The following TGFB3 variants were observed in gnomAD, a reference collection of about 807,000 sequenced individuals.
TGFB3 encodes transforming growth factor beta 3, also known as transforming growth factor beta-3 proprotein.
A neutral mutation model predicts 40.1 loss-of-function variants in TGFB3; 5 were observed. The observed-to-expected ratio is 0.12, with a 90% CI of 0.07 to 0.26. TGFB3 has a LOEUF of 0.26. TGFB3 is among the 10% of genes least tolerant of loss of function. The pLI, the probability that TGFB3 is intolerant of heterozygous loss-of-function variation, is 1.00. For synonymous variants in TGFB3, 184 were observed against 205.6 expected (o/e 0.89, Z 0.90); for missense variants, 373 against 530.1 (o/e 0.70, Z 2.91).
At position 75,971,788 on chromosome 14, in the gene TGFB3, C is replaced by T. The variant is rs2140246086; in HGVS notation, c.353-70G>A. 2 of 1,581,824 alleles carry T rather than the reference C, an allele frequency of 1.3e-6. No individual in the cohort carries two copies. The highest frequency in any genetic ancestry group is 1.7e-6 in the Non-Finnish European group (2 of 1,157,324). On this transcript the variant is annotated intron_variant, in intron 1 of 6. Transcript: ENST00000238682. The surrounding 1 kb of genome is among the most constrained non-coding windows in gnomAD (Gnocchi z 4.5). ...GCAGGAACAGTGTGCTGCCAACGGA[C>T]AGGCACCAAGTGGCCACCGTCCCGC...
In TGFB3 at chr14:75,980,462, CA is replaced by C; in HGVS notation, c.352+79del. 7.0e-7 allele frequency: 1 copy of C among 1,429,190 alleles called. No individual in the cohort carries two copies. Among genetic ancestry groups the C allele is most frequent in the Non-Finnish European group, 9.9e-7 (1 of 1,013,408 alleles). 88.5% of individuals were successfully genotyped at this position (1,429,190 alleles called of 1,614,324 possible). A position where few individuals can be genotyped will look rare whatever the true frequency, so the allele number is the denominator to read the frequency against. ...CTGGGGCACCCTGCTGTGTGGCCAG[CA>C]CTAGGCCCCCCTCTGCAGAGCTCCC... On this transcript the variant is annotated intron_variant, in intron 1 of 6. Transcript: ENST00000238682. This position sits in a 1 kb window ranked among gnomAD's most constrained non-coding sequence, Gnocchi z 4.3.
At position 75,979,476 on chromosome 14, in the gene TGFB3, G is replaced by T. The variant is rs2035395526; in HGVS notation, c.352+1066C>A. ...GGAAAAGCAAACAGAGCTGCTCCCG[G>T]AGTCTACGGCCCACGAGTGGCTCAC... On this transcript the variant is annotated intron_variant, in intron 1 of 6. Coordinates refer to ENST00000238682, the MANE Select transcript of TGFB3 (RefSeq NM_003239.5). This position sits in a 1 kb window ranked among gnomAD's most constrained non-coding sequence, Gnocchi z 4.8. Among the ~76,000 whole-genome samples the T allele has an allele frequency of 6.6e-6, 1 of 152,168 alleles. No individual in the cohort carries two copies. The highest frequency in any genetic ancestry group is 2.4e-5 in the African/African-American group (1 of 41,440).
At chr14:75,960,565 A>G (rs1566678374) in intron 6 of TGFB3, among the ~76,000 whole-genome samples, 3 of 152,182 alleles carry the variant, frequency 2.0e-5, no homozygotes, top group Non-Finnish European at 4.4e-5. Context: ...TACATTCGAG[A>G]GGCTGGAATG....
intron 3 of TGFB3, 87 bp from the exon 4 acceptor site, chr14:75,965,782 CT>C: frequency 9.1e-7 from 1 of 1,101,512 alleles, no homozygotes; most frequent in Non-Finnish European, 1.4e-6. Flanking sequence ...GAGCCAGGGC[CT>C]CTGCTCCTAT....
Position 75,980,391 on chromosome 14 carries a change from C to G in TGFB3, c.352+151G>C. The G allele has an allele frequency of 1.2e-6, 1 of 851,004 alleles. No homozygotes were observed. 52.7% of individuals were successfully genotyped at this position (851,004 alleles called of 1,614,324 possible). On this transcript the variant is annotated intron_variant, in intron 1 of 6. Coordinates refer to ENST00000238682, the MANE Select transcript of TGFB3 (RefSeq NM_003239.5). This position sits in a 1 kb window ranked among gnomAD's most constrained non-coding sequence, Gnocchi z 4.3. Reference sequence around the variant, plus strand: ...TCCTTCCCCACCCACCTCCCCAGCCCCAACGGAGGAGCATCGCACATCCTG... The same window carrying G: ...TCCTTCCCCACCCACCTCCCCAGCCGCAACGGAGGAGCATCGCACATCCTG...
At position 75,971,597 on chromosome 14, in the gene TGFB3, G is replaced by A; in HGVS notation, c.474C>T (p.Asn158=). Residue 158 remains asparagine (N), a synonymous_variant, in exon 2 of 7, where the codon AAC becomes AAT. Transcript: ENST00000238682. The surrounding 1 kb of genome is among the most constrained non-coding windows in gnomAD (Gnocchi z 4.5). ...TCTGCTCATTCCGCTTAGAGCTGGG[G>A]TTGGGCACCCGCAAGACCCGGAATT... ...RAEFRVLRVP[N]PSSKRNEQRI... is the part of the protein sequence containing the mutation. 1.2e-6 allele frequency: 2 copies of A among 1,614,240 alleles called. No homozygotes were observed. The highest frequency in any genetic ancestry group is 1.7e-6 in the Non-Finnish European group (2 of 1,180,048).
At chr14:75,967,807 A>C (rs1002183728) in intron 3 of TGFB3, among the ~76,000 whole-genome samples, 14 of 152,210 alleles carry the variant, frequency 9.2e-5, no homozygotes, top group Admixed American at 2.0e-4. Context: ...CAACCAGTGG[A>C]TAGTAGTGCC....
chr14:75,979,203 C>T lies in TGFB3; in HGVS notation c.352+1339G>A, dbSNP rs2140252577. On this transcript the variant is annotated intron_variant, in intron 1 of 6. Transcript: ENST00000238682. This position sits in a 1 kb window ranked among gnomAD's most constrained non-coding sequence, Gnocchi z 4.8. ...GGAACCCCTCGCCAGTAACCACAGG[C>T]TCCTCTGCCTGGCGTGGAGCCGTGA... 6.6e-6 allele frequency among the ~76,000 whole-genome samples: 1 copy of T among 152,314 alleles called. No homozygotes were observed. Among genetic ancestry groups the T allele is most frequent in the Middle Eastern group, 3.4e-3 (1 of 294 alleles).
chr14:75,968,413 TG>T (rs922445232), intron 3 of TGFB3, among the ~76,000 whole-genome samples: 1 of 145,096 alleles, frequency 6.9e-6, no homozygotes, highest in Non-Finnish European at 1.5e-5. Flanking sequence ...GGGTGGTGGG[TG>T]GGGGACCCAT....
Position 75,971,138 on chromosome 14 carries a change from G to A in TGFB3, c.634C>T (p.Leu212=). Residue 212 remains leucine, a synonymous_variant, in exon 3 of 7, where the codon CTG becomes TTG. Coordinates refer to ENST00000238682, the MANE Select transcript of TGFB3 (RefSeq NM_003239.5). This position sits in a 1 kb window ranked among gnomAD's most constrained non-coding sequence, Gnocchi z 4.5. ...AGGGTCCACCTACCTCTTCTCAACA[G>A]CCACTCACGCACAGTGTCAGTGACA... The part of the protein sequence containing the change: ...FDVTDTVREW[L]LRRESNLGLE... The A allele has an allele frequency of 6.2e-7, 1 of 1,614,062 alleles. No individual in the cohort carries two copies. Among genetic ancestry groups the A allele is most frequent in the Non-Finnish European group, 8.5e-7 (1 of 1,180,014 alleles).
intron 1 of TGFB3, among the ~76,000 whole-genome samples, chr14:75,973,642 T>C (rs754398842): frequency 2.0e-4 from 30 of 152,200 alleles, no homozygotes; most frequent in Non-Finnish European, 4.1e-4. Flanking sequence ...TCAGTTACAA[T>C]AGCACCTGCT....
At chr14:75,965,937 G>A (rs931071449) in intron 3 of TGFB3, 34 of 537,388 alleles carry the variant, frequency 6.3e-5, no homozygotes, top group African/African-American at 5.9e-4. Context: ...GCATACACTA[G>A]TGGCCATCAT....
rs753696538 is a variant in TGFB3 at position 75,963,362 on chromosome 14, C to A, written c.880G>T (p.Gly294Trp). Residue 294 changes from glycine (G) to tryptophan (W), a missense_variant, in exon 5 of 7, where the codon GGG becomes TGG. Physicochemically the swap from Gly to Trp is radical, Grantham distance 184. Coordinates refer to ENST00000238682, the MANE Select transcript of TGFB3 (RefSeq NM_003239.5). ...AAAGCCCGCTTCTTCCTCTGACCCC[C>A]CTGGCCCGGGTTGTCGAGCCGGTGT... Reference protein sequence around the residue: ...PPHRLDNPGQGGQRKKRALDT... With the variant: ...PPHRLDNPGQWGQRKKRALDT... The A allele has an allele frequency of 5.6e-6, 9 of 1,614,198 alleles. No individual in the cohort carries two copies. The South Asian group carries it at 8.8e-5, about 16-fold the overall frequency.
chr14:75,981,334 C>A lies in TGFB3; in HGVS notation c.-441G>T, dbSNP rs754806904. Reference sequence around the variant, plus strand: ...GAAAGTGGGTATTTTAAAGAAGAAGCAGAAGGACCATGGCTGGGTCCCAAA... The same window carrying A: ...GAAAGTGGGTATTTTAAAGAAGAAGAAGAAGGACCATGGCTGGGTCCCAAA... On this transcript the variant is annotated 5_prime_UTR_variant, in exon 1 of 7. Coordinates refer to ENST00000238682, the MANE Select transcript of TGFB3 (RefSeq NM_003239.5). This position sits in a 1 kb window ranked among gnomAD's most constrained non-coding sequence, Gnocchi z 4.7. 2.5e-5 allele frequency: 5 copies of A among 198,428 alleles called. No homozygotes were observed. The highest frequency in any genetic ancestry group is 5.3e-5 in the Non-Finnish European group (5 of 95,172). 12.3% of individuals were successfully genotyped at this position (198,428 alleles called of 1,614,324 possible). A position where few individuals can be genotyped will look rare whatever the true frequency, so the allele number is the denominator to read the frequency against.
rs771497812 is a variant in TGFB3, at chr14:75,979,042, T to C, written c.352+1500A>G. 6.6e-6 allele frequency among the ~76,000 whole-genome samples: 1 copy of C among 152,170 alleles called. No homozygotes were observed. The highest frequency in any genetic ancestry group is 1.5e-5 in the Non-Finnish European group (1 of 68,012). ...CGAGCTGCTAGGTGCCTCTGGGAAC[T>C]GTGGGTCTCTGAGCCAGCCCCACCC... On this transcript the variant is annotated intron_variant, in intron 1 of 6. Transcript: ENST00000238682. This position sits in a 1 kb window ranked among gnomAD's most constrained non-coding sequence, Gnocchi z 4.8.
chr14:75,960,193 T>G (rs927224421), intron 6 of TGFB3: 1 of 152,234 alleles, frequency 6.6e-6, no homozygotes, highest in African/African-American at 2.4e-5. Context: ...CCACCCGCCT[T>G]GGCCTCCCAG....
chr14:75,971,568 ATCCTCTGCTCAT>A lies in TGFB3; in HGVS notation c.491_502del (p.Asn164_Arg167del). On this transcript the variant is annotated inframe_deletion, in exon 2 of 7. Transcript: ENST00000238682. The surrounding 1 kb of genome is among the most constrained non-coding windows in gnomAD (Gnocchi z 4.5). ...GAGAGGAGTTACCTGGAAGAGCTCG[ATCCTCTGCTCAT>A]TCCGCTTAGAGCTGGGGTTGGGCAC... The A allele has an allele frequency of 6.2e-7, 1 of 1,614,136 alleles. No homozygotes were observed. The highest frequency in any genetic ancestry group is 8.5e-7 in the Non-Finnish European group (1 of 1,180,012).
chr14:75,962,492 C>T (rs1271577475), intron 5 of TGFB3, among the ~76,000 whole-genome samples: 1 of 152,194 alleles, frequency 6.6e-6, no homozygotes, highest in East Asian at 1.9e-4. Context: ...TTCATTTCGG[C>T]ATCCTCTGAG....
chr14:75,964,879 C>G (rs1482121582), intron 4 of TGFB3, among the ~76,000 whole-genome samples: 2 of 152,136 alleles, frequency 1.3e-5, no homozygotes, highest in Non-Finnish European at 2.9e-5. Context: ...CCAAAAGAGG[C>G]CTGCACCTTT....
Sources: gnomAD v4.1 joint callset for allele counts (sites outside exome capture counted in the v4.1 genomes callset) on GRCh38, gnomAD v4.1.1 for gene constraint, Gnocchi (gnomAD v3.1) non-coding constraint, MANE v1.5 for transcripts, NCBI Gene and HGNC (gene_info 2026-07-23, HGNC 2026-07-21) for gene names.